Variants in USP4 observed in about 807,000 individuals in gnomAD.
The protein encoded by USP4 is ubiquitin specific peptidase 4.
In USP4, 72 loss-of-function variants were observed where a neutral mutation model predicts 118.2. The ratio of observed to expected loss-of-function variants is 0.61; its 90% CI spans 0.50 to 0.74. The LOEUF is 0.74. Among genes scored for constraint, USP4 ranks in the 30% least tolerant of loss-of-function variants. The pLI is 0.00. For synonymous variants in USP4, 415 were observed against 440.4 expected (o/e 0.94, Z 0.72); for missense variants, 1,037 against 1,185.7 (o/e 0.87, Z 1.84).
At chr3:49,309,547 C>T (rs149972755) in intron 8 of USP4, among the ~76,000 whole-genome samples, 3,239 of 149,790 alleles carry the variant, frequency 0.022, 42 homozygotes, top group Middle Eastern at 0.038. Context: ...TGAGCCATTG[C>T]GCCTGGCCAA....
At position 49,278,110 on chromosome 3, in the gene USP4, C is replaced by G. The variant is rs943191509; in HGVS notation, c.*183G>C. On this transcript the variant is annotated 3_prime_UTR_variant, in exon 22 of 22. Coordinates refer to ENST00000265560, the MANE Select transcript of USP4 (RefSeq NM_003363.4). ...TTTAAAAATAAAAATAATTCAGCCT[C>G]TTGACATAGCTTCTTCTAGGTAAAC... is the stretch of plus-strand genomic sequence containing the variant. 1 of 677,858 alleles carries G rather than the reference C, an allele frequency of 1.5e-6. No homozygotes were observed. The highest frequency in any genetic ancestry group is 3.1e-5 in the East Asian group (1 of 32,518). 42.0% of individuals were successfully genotyped at this position (677,858 alleles called of 1,614,324 possible). A position where few individuals can be genotyped will look rare whatever the true frequency, so the allele number is the denominator to read the frequency against.
At chr3:49,301,514 C>A (rs2107780249) in intron 10 of USP4, among the ~76,000 whole-genome samples, 1 of 151,972 alleles carries the variant, frequency 6.6e-6, no homozygotes, top group Non-Finnish European at 1.5e-5. Context: ...ATGGTGAAAC[C>A]CCCTCTCTAC....
Position 49,324,686 on chromosome 3 carries a change from G to GA in USP4, c.695+15dup, listed in dbSNP as rs763555238. On this transcript the variant is annotated intron_variant, in intron 6 of 21. Transcript: ENST00000265560. ...GCACATGTGAGCCTACAACAAGGGA[G>GA]AAAAAATTCACTTACTTTGACTGCA... 5 of 1,613,098 alleles carry GA rather than the reference G, an allele frequency of 3.1e-6. No individual in the cohort carries two copies. The South Asian group carries it at 4.4e-5, about 14-fold the overall frequency.
chr3:49,280,997 G>A, intron 19 of USP4, 150 bp from the exon 20 acceptor site: 1 of 621,698 alleles, frequency 1.6e-6, no homozygotes, highest in Non-Finnish European at 2.8e-6. Context: ...GGGACTCTAG[G>A]ATCCATGTTC....
At position 49,281,317 on chromosome 3, in the gene USP4, G is replaced by A. The variant is rs538723224; in HGVS notation, c.2541-470C>T. ...TAAAAAATACAAAAATTAGCTGGGC[G>A]TGGTGGTGGGCGCCTGTAGTCCCAG... is the stretch of plus-strand genomic sequence containing the variant. On this transcript the variant is annotated intron_variant, in intron 19 of 21. Transcript: ENST00000265560. Among the ~76,000 whole-genome samples the A allele has an allele frequency of 2.8e-3, 419 of 151,884 alleles. 3 individuals carry two copies. Among genetic ancestry groups the A allele is most frequent in the African/African-American group, 9.4e-3 (389 of 41,408 alleles).
intron 18 of USP4, 58 bp from the exon 19 acceptor site, chr3:49,284,194 C>T (rs116297163): frequency 1.2e-6 from 2 of 1,606,526 alleles, no homozygotes; most frequent in African/African-American, 2.7e-5. Flanking sequence ...CACCTGGGCA[C>T]TCATGCATGG....
chr3:49,297,921 A>G lies in USP4; in HGVS notation c.1640T>C (p.Phe547Ser), dbSNP rs1419657826. The change falls in exon 13 of 22, where the codon TTC becomes TCC. Residue 547 changes from phenylalanine to serine, a missense_variant. This residue lies in a region of USP4 where 522 missense variants were observed against 592.6 expected (regional missense o/e 0.88). Transcript: ENST00000265560. The stretch of plus-strand genomic sequence containing the variant: ...GTGGTTTAAACCTTCATCCATTTGG[A>G]AAATTTTGTGGAATCGGTGATTATA... Reference protein sequence around the residue: ...DVYNHRFHKIFQMDEGLNHIM... With the variant: ...DVYNHRFHKISQMDEGLNHIM... The G allele has an allele frequency of 1.9e-6, 3 of 1,614,200 alleles. No individual in the cohort carries two copies. Among genetic ancestry groups the G allele is most frequent in the South Asian group, 2.2e-5 (2 of 91,084 alleles).
intron 2 of USP4, among the ~76,000 whole-genome samples, chr3:49,330,868 G>A (rs980172379): frequency 9.2e-5 from 14 of 151,416 alleles, no homozygotes; most frequent in South Asian, 4.2e-4. Flanking sequence ...AAAAGTAGCC[G>A]GGTGTGGTGG....
Position 49,325,051 on chromosome 3 carries a change from C to A in USP4, c.488-12G>T. The A allele has an allele frequency of 1.9e-6, 3 of 1,610,440 alleles. No homozygotes were observed. Among genetic ancestry groups the A allele is most frequent in the Non-Finnish European group, 2.5e-6 (3 of 1,178,838 alleles). On this transcript the variant is annotated splice_polypyrimidine_tract_variant and intron_variant, in intron 4 of 21. Transcript: ENST00000265560. The stretch of plus-strand genomic sequence containing the variant: ...TTTCTCGATGGTTGCTAGGAACAGG[C>A]AGAAATATCACTTGGGGCTTTGTCC...
At position 49,308,006 on chromosome 3, in the gene USP4, GA is replaced by G. The variant is rs780198635; in HGVS notation, c.955-2119del. Among the ~76,000 whole-genome samples the G allele has an allele frequency of 3.7e-3, 546 of 146,312 alleles. 4 individuals are homozygous for G. The highest frequency in any genetic ancestry group is 9.9e-3 in the African/African-American group (398 of 40,118). On this transcript the variant is annotated intron_variant, in intron 8 of 21. Transcript: ENST00000265560. ...CATCAGAGAGAGTTCCTGTCTCTAA[GA>G]AAAAAAAAAATGAATTTTGCTCTGC...
intron 6 of USP4, among the ~76,000 whole-genome samples, chr3:49,324,476 C>T (rs1007963013): frequency 3.3e-5 from 5 of 152,182 alleles, no homozygotes; most frequent in African/African-American, 7.2e-5. Flanking sequence ...TCATTCTCCA[C>T]GAGCAGAGGC....
At chr3:49,306,845 C>T (rs1189429138) in intron 8 of USP4, among the ~76,000 whole-genome samples, 2 of 151,844 alleles carry the variant, frequency 1.3e-5, no homozygotes, top group Non-Finnish European at 1.5e-5. Context: ...AGTGCAGTGG[C>T]GCAATCTCAG....
chr3:49,317,542 G>GTTTT (rs71077785), intron 6 of USP4: 7 of 514,116 alleles, frequency 1.4e-5, no homozygotes, highest in African/African-American at 2.5e-5. Context: ...TTGTTTGTTT[G>GTTTT]TTTTTTTTTT....
In USP4 at chr3:49,298,264, GTC is replaced by G. The variant is rs1390979900; in HGVS notation, c.1596+286_1596+287del. Among the ~76,000 whole-genome samples, 5 of 152,328 alleles carry G rather than the reference GTC, an allele frequency of 3.3e-5. No homozygotes were observed. In the East Asian group the frequency reaches 7.7e-4, roughly 23 times the overall value. On this transcript the variant is annotated intron_variant, in intron 12 of 21. Transcript: ENST00000265560. The stretch of plus-strand genomic sequence containing the variant: ...CCTCTGGAGTATTCCATAGTCTGCA[GTC>G]TCTATGCCACCCTCAGTGCACAGAT...
At chr3:49,281,390 A>G (rs1420528760) in intron 19 of USP4, among the ~76,000 whole-genome samples, 3 of 151,570 alleles carry the variant, frequency 2.0e-5, no homozygotes, top group Non-Finnish European at 4.4e-5. Context: ...CGGGAGGTGG[A>G]GCTTGCAGTG....
chr3:49,324,594 A>AC, intron 6 of USP4, 108 bp downstream of exon 6: 2 of 1,036,582 alleles, frequency 1.9e-6, no homozygotes, highest in East Asian at 4.8e-5. Flanking sequence ...CAAAATAGGC[A>AC]TTGTTCATCT....
chr3:49,284,640 A>T, intron 17 of USP4, 56 bp from the exon 18 acceptor site: 1 of 1,507,494 alleles, frequency 6.6e-7, no homozygotes, highest in Non-Finnish European at 9.2e-7. Context: ...CTGCATTAAG[A>T]CATGAAGGCC....
Position 49,284,206 on chromosome 3 carries a change from G to A in USP4, c.2391-70C>T, listed in dbSNP as rs2047069879. 9 of 1,592,088 alleles carry A rather than the reference G, an allele frequency of 5.7e-6. No homozygotes were observed. In the East Asian group the frequency reaches 1.3e-4, roughly 24 times the overall value. ...TGCCACCTGGGCACTCATGCATGGA[G>A]GCACAGCTGCAGTCCCCTGATAGCT... On this transcript the variant is annotated intron_variant, in intron 18 of 21. Transcript: ENST00000265560.
intron 13 of USP4, among the ~76,000 whole-genome samples, chr3:49,295,288 C>CAAAAAA (rs34296887): frequency 4.2e-4 from 5 of 11,946 alleles, no homozygotes; most frequent in Non-Finnish European, 7.1e-4. Flanking sequence ...GACTCCATCT[C>CAAAAAA]AAAAAAAAAA....
Sources: allele counts gnomAD v4.1 joint callset (sites outside exome capture counted in the v4.1 genomes callset), GRCh38; gene constraint gnomAD v4.1.1; regional missense constraint gnomAD v4.1.1; transcripts MANE v1.5; gene names NCBI Gene and HGNC (gene_info 2026-07-23, HGNC 2026-07-21).